Variants in C1QTNF3 observed in about 807,000 individuals in gnomAD.
The protein encoded by C1QTNF3 is complement C1q tumor necrosis factor-related protein 3.
Under a neutral mutation model 32.6 loss-of-function variants are expected in C1QTNF3, and 26 were observed. That is an observed-to-expected ratio of 0.80 (90% CI 0.58 to 1.11). The LOEUF is 1.11. Ranked by LOEUF, C1QTNF3 falls within the 50% of genes least tolerant of loss-of-function variation. The pLI is 0.00. For missense variants in C1QTNF3, 362 were observed against 398.2 expected (o/e 0.91, Z 0.77); for synonymous variants, 155 against 146.0 (o/e 1.06, Z -0.44).
At chr5:34,165,264 T>C in the C1QTNF3 span, 1 of 152,144 alleles carries the variant, frequency 6.6e-6, no homozygotes, top group Non-Finnish European at 1.5e-5. Context: ...CTCTACTCTC[T>C]TCCCTGGTTC....
chr5:34,096,226 T>C, the C1QTNF3 span, among the ~76,000 whole-genome samples: 1 of 151,890 alleles, frequency 6.6e-6, no homozygotes, highest in Non-Finnish European at 1.5e-5. Flanking sequence ...AGCATTTTAA[T>C]AGTTGTCTCA....
the C1QTNF3 span, among the ~76,000 whole-genome samples, chr5:34,150,338 A>G: frequency 9.1e-6 from 1 of 110,138 alleles, no homozygotes; most frequent in Non-Finnish European, 1.8e-5. Flanking sequence ...AATTGAACTC[A>G]GCTCTGCACG....
chr5:34,216,905 A>T, the C1QTNF3 span, among the ~76,000 whole-genome samples: 15 of 152,252 alleles, frequency 9.9e-5, no homozygotes, highest in Admixed American at 6.6e-4. Context: ...ATTGACAAAA[A>T]CATTGGGGAT....
chr5:34,075,024 A>C, the C1QTNF3 span, among the ~76,000 whole-genome samples: 5 of 151,920 alleles, frequency 3.3e-5, no homozygotes, highest in East Asian at 9.6e-4. Flanking sequence ...CATACATTAA[A>C]AGGTTTCAAA....
chr5:34,020,838 ATAATCCTGCGGC>A, intron 5 of C1QTNF3, 96 bp from the exon 6 acceptor site: 1 of 1,294,170 alleles, frequency 7.7e-7, no homozygotes, highest in East Asian at 2.3e-5. Context: ...TCCCACAGGT[ATAATCCTGCGGC>A]TAAGTTCTCT....
At chr5:34,224,704 A>C in the C1QTNF3 span, among the ~76,000 whole-genome samples, 1 of 152,204 alleles carries the variant, frequency 6.6e-6, no homozygotes, top group East Asian at 1.9e-4. Flanking sequence ...AAACCCCAGA[A>C]GAAAACCTAG....
chr5:34,124,496 G>A, the C1QTNF3 span: 1 of 713,844 alleles, frequency 1.4e-6, no homozygotes, highest in East Asian at 2.7e-5. Context: ...GATGAGACCA[G>A]GAGCAAGAGA....
At chr5:34,211,059 A>C in the C1QTNF3 span, among the ~76,000 whole-genome samples, 1 of 151,376 alleles carries the variant, frequency 6.6e-6, no homozygotes, top group South Asian at 2.1e-4. Context: ...TCCCCTAAGT[A>C]ATTGACTCTA....
At chr5:34,056,454 G>GTGTGTGTATATATATATA in the C1QTNF3 span, among the ~76,000 whole-genome samples, 9 of 48,944 alleles carry the variant, frequency 1.8e-4, no homozygotes, top group East Asian at 2.0e-3. Context: ...GTGTGTGTGT[G>GTGTGTGTATATATATATA]TATATATATA....
the C1QTNF3 span, among the ~76,000 whole-genome samples, chr5:34,049,752 G>A: frequency 6.6e-6 from 1 of 152,224 alleles, no homozygotes; most frequent in Non-Finnish European, 1.5e-5. Context: ...AATTCCAAGA[G>A]TCGATATTGC....
chr5:34,173,160 A>G, the C1QTNF3 span, among the ~76,000 whole-genome samples: 1 of 152,132 alleles, frequency 6.6e-6, no homozygotes, highest in Non-Finnish European at 1.5e-5. Flanking sequence ...AAGAAATACT[A>G]TACACTCTTA....
chr5:34,034,787 C>T (rs1411582443), intron 2 of C1QTNF3, among the ~76,000 whole-genome samples: 1 of 152,162 alleles, frequency 6.6e-6, no homozygotes, highest in Non-Finnish European at 1.5e-5. Flanking sequence ...TGGCTGCTGT[C>T]CTTGATGGCC....
chr5:34,203,984 C>T, the C1QTNF3 span, among the ~76,000 whole-genome samples: 42 of 151,864 alleles, frequency 2.8e-4, no homozygotes, highest in African/African-American at 9.4e-4. Context: ...CAATTCTAAA[C>T]ACATATGCAT....
chr5:34,126,198 T>C, the C1QTNF3 span, among the ~76,000 whole-genome samples: 14 of 152,188 alleles, frequency 9.2e-5, no homozygotes, highest in African/African-American at 3.4e-4. Flanking sequence ...TTCTATAAAT[T>C]ATCCACATGA....
At chr5:34,234,350 T>G in the C1QTNF3 span, among the ~76,000 whole-genome samples, 1 of 152,180 alleles carries the variant, frequency 6.6e-6, no homozygotes, top group Non-Finnish European at 1.5e-5. Flanking sequence ...AAATTGTATC[T>G]TCCCAGATTA....
chr5:34,071,840 G>C, the C1QTNF3 span, among the ~76,000 whole-genome samples: 8 of 152,174 alleles, frequency 5.3e-5, no homozygotes, highest in African/African-American at 9.6e-5. Context: ...CACTGGAATA[G>C]AACTGTTCCA....
At chr5:34,134,021 T>C in the C1QTNF3 span, among the ~76,000 whole-genome samples, 2 of 152,344 alleles carry the variant, frequency 1.3e-5, no homozygotes, top group East Asian at 3.9e-4. Flanking sequence ...CCAGATATTT[T>C]AGCTGTGAAT....
At chr5:34,095,212 C>A in the C1QTNF3 span, among the ~76,000 whole-genome samples, 1 of 151,632 alleles carries the variant, frequency 6.6e-6, no homozygotes, top group South Asian at 2.1e-4. Flanking sequence ...GTATTTGTAC[C>A]CTTTAACCAA....
chr5:34,069,215 C>G, the C1QTNF3 span, among the ~76,000 whole-genome samples: 1 of 146,188 alleles, frequency 6.8e-6, no homozygotes, highest in African/African-American at 2.5e-5. Flanking sequence ...CAGGTTTCTG[C>G]TCAAATGACA....
Sources: gnomAD v4.1 joint callset for allele counts (sites outside exome capture counted in the v4.1 genomes callset) on GRCh38, gnomAD v4.1.1 for gene constraint, MANE v1.5 for transcripts, NCBI Gene and HGNC (gene_info 2026-07-23, HGNC 2026-07-21) for gene names.